Variants in CACNA1C observed in about 807,000 individuals in gnomAD.
CACNA1C encodes voltage-dependent L-type calcium channel subunit alpha-1C.
CACNA1C carries 30 observed loss-of-function variants against 229.0 expected under a neutral mutation model. The ratio of observed to expected loss-of-function variants is 0.13; its 90% CI spans 0.10 to 0.18. CACNA1C has a LOEUF of 0.18. CACNA1C is among the 10% of genes least tolerant of loss of function. CACNA1C has a pLI of 1.00. For synonymous variants in CACNA1C, 1,114 were observed against 1,132.5 expected, an observed-to-expected ratio of 0.98 and a Z score of 0.33; for missense variants, 1,658 against 2,845.0, an observed-to-expected ratio of 0.58 and a Z score of 9.49.
chr12:2,345,070 G>T (rs186287499), intron 3 of CACNA1C, among the ~76,000 whole-genome samples: 1 of 149,464 alleles, frequency 6.7e-6, no homozygotes, highest in East Asian at 2.0e-4. Flanking sequence ...TGAGCCCCAT[G>T]TCTGTGGGTT....
chr12:2,312,312 G>T (rs2095480661), intron 3 of CACNA1C, among the ~76,000 whole-genome samples: 3 of 152,182 alleles, frequency 2.0e-5, no homozygotes, highest in African/African-American at 7.2e-5. Flanking sequence ...TCAGTATCCT[G>T]CAGCGTGGCA....
At chr12:2,148,666 G>A (rs968502035) in intron 3 of CACNA1C, among the ~76,000 whole-genome samples, 1 of 151,168 alleles carries the variant, frequency 6.6e-6, no homozygotes, top group African/African-American at 2.4e-5. Flanking sequence ...TCCCACCTCA[G>A]CCTCCTGAGT....
intron 3 of CACNA1C, among the ~76,000 whole-genome samples, chr12:2,312,276 C>T (rs1397758869): frequency 6.6e-6 from 1 of 152,114 alleles, no homozygotes; most frequent in South Asian, 2.1e-4. Flanking sequence ...ACCTACTTAC[C>T]CTCTCTCCCC....
At position 2,633,493 on chromosome 12, in the gene CACNA1C, G is replaced by GC. The variant is rs2091465870; in HGVS notation, c.3829-802dup. The GC allele has an allele frequency of 2.9e-6, 2 of 681,248 alleles. No individual in the cohort carries two copies. The allele number at this position is 681,248 out of a possible 1,614,324, so 42.2% of individuals were successfully genotyped here. ...CCTTGCTGGTGCTCCTGGGCTCCTG[G>GC]CCATGGTGAGGGCGTCCGGAACTCC... On this transcript the variant is annotated intron_variant, in intron 29 of 46. Transcript: ENST00000399655. The surrounding 1 kb of genome is among the most constrained non-coding windows in gnomAD (Gnocchi z 5.8).
At chr12:2,264,454 G>A (rs778393892) in intron 3 of CACNA1C, among the ~76,000 whole-genome samples, 9 of 152,232 alleles carry the variant, frequency 5.9e-5, no homozygotes, top group Non-Finnish European at 1.3e-4. Flanking sequence ...ACAGATGGGG[G>A]AACTGAGGTC....
chr12:2,264,097 C>A (rs553100981), intron 3 of CACNA1C, among the ~76,000 whole-genome samples: 75 of 152,334 alleles, frequency 4.9e-4, no homozygotes, highest in African/African-American at 1.7e-3. Context: ...CCCTGTTGCA[C>A]TCACGGGTGG....
At chr12:2,584,053 C>T (rs533155317) in intron 15 of CACNA1C, among the ~76,000 whole-genome samples, 7 of 152,324 alleles carry the variant, frequency 4.6e-5, no homozygotes, top group African/African-American at 9.6e-5. Context: ...CAAGGGTCTT[C>T]GTGGGTGCAG....
chr12:2,497,180 C>G lies in CACNA1C; in HGVS notation c.1113+3794C>G, dbSNP rs149919657. Among the ~76,000 whole-genome samples, 317 of 152,334 alleles carry G rather than the reference C, an allele frequency of 2.1e-3. 1 individual carries two copies. The highest frequency in any genetic ancestry group is 6.4e-3 in the African/African-American group (268 of 41,578). On this transcript the variant is annotated intron_variant, in intron 7 of 46. Transcript: ENST00000399655. ...GCTGGGTCAGCCTCCTTTGCAGGAC[C>G]TTGTCGATAGGATTCATAGGCATGC...
chr12:2,150,220 C>G (rs1038895981), intron 3 of CACNA1C, among the ~76,000 whole-genome samples: 1 of 152,178 alleles, frequency 6.6e-6, no homozygotes, highest in Non-Finnish European at 1.5e-5. Context: ...CCGTGTCTGG[C>G]TGCACTGTAA....
chr12:2,394,564 G>C (rs2098540012), intron 3 of CACNA1C, among the ~76,000 whole-genome samples: 1 of 152,180 alleles, frequency 6.6e-6, no homozygotes, highest in Non-Finnish European at 1.5e-5. Context: ...GTTTGTGAAT[G>C]TAAAGTGTTT....
chr12:2,653,849 G>A lies in CACNA1C; in HGVS notation c.4089G>A (p.Val1363=). The change falls in exon 33 of 47, where the codon GTG becomes GTA. Residue 1363 remains valine, a synonymous_variant. Coordinates refer to ENST00000399655, the MANE Select transcript of CACNA1C (RefSeq NM_000719.7). This position sits in a 1 kb window ranked among gnomAD's most constrained non-coding sequence, Gnocchi z 4.7. ...CTTCCTTCCAGGCCCTGCCCTATGT[G>A]GCCCTCCTGATCGTGATGCTGTTCT... ...FIKSFQALPY[V]ALLIVMLFFI... 2 of 1,613,882 alleles carry A rather than the reference G, an allele frequency of 1.2e-6. No homozygotes were observed. The highest frequency in any genetic ancestry group is 1.7e-6 in the Non-Finnish European group (2 of 1,179,844).
intron 3 of CACNA1C, among the ~76,000 whole-genome samples, chr12:2,317,946 A>T (rs1162702324): frequency 6.6e-6 from 1 of 152,216 alleles, no homozygotes. Flanking sequence ...AACTGGCATC[A>T]CATTTTAATT....
intron 3 of CACNA1C, among the ~76,000 whole-genome samples, chr12:2,302,554 G>T (rs1186233736): frequency 1.3e-5 from 2 of 152,084 alleles, no homozygotes; most frequent in Non-Finnish European, 2.9e-5. Context: ...GCTGGGAGGG[G>T]AGTGTCCTCC....
At chr12:2,645,796 G>A (rs1369394630) in intron 30 of CACNA1C, among the ~76,000 whole-genome samples, 3 of 152,226 alleles carry the variant, frequency 2.0e-5, no homozygotes, top group Non-Finnish European at 2.9e-5. Context: ...TGTGGAAACA[G>A]GTGTGAGCGG....
chr12:2,365,300 G>A (rs73035442), intron 3 of CACNA1C, among the ~76,000 whole-genome samples: 2 of 152,244 alleles, frequency 1.3e-5, no homozygotes, highest in African/African-American at 2.4e-5. Context: ...AAAAGAAATC[G>A]GTAATTTTAG....
chr12:1,987,952 T>A (rs1007240020), intron 1 of CACNA1C, among the ~76,000 whole-genome samples: 1 of 152,226 alleles, frequency 6.6e-6, no homozygotes, highest in Non-Finnish European at 1.5e-5. Flanking sequence ...AATGTCCCAA[T>A]AGATTCAAAC....
chr12:2,232,241 TTTTTTTTTTTTG>T lies in CACNA1C; in HGVS notation c.477+111815_477+111826del, dbSNP rs1333964386. On this transcript the variant is annotated intron_variant, in intron 3 of 46. Transcript: ENST00000399655. ...AGTCTTTCCTTGTTTTTTTTTTTTT[TTTTTTTTTTTTG>T]TTTGTTTGTTTGTTTGTTTTTAATG... is the stretch of plus-strand genomic sequence containing the variant. Among the ~76,000 whole-genome samples the T allele has an allele frequency of 4.3e-4, 63 of 147,996 alleles. 1 individual carries two copies. The highest frequency in any genetic ancestry group is 7.0e-3 in the Middle Eastern group (2 of 286).
upstream of CACNA1C, among the ~76,000 whole-genome samples, chr12:2,052,516 G>A (rs1272690697): frequency 6.6e-6 from 1 of 151,482 alleles, no homozygotes; most frequent in African/African-American, 2.4e-5. Flanking sequence ...CAGCAGGGAC[G>A]CGCCGCCGCA....
At chr12:2,064,408 G>A (rs2058611546) in intron 1 of CACNA1C, among the ~76,000 whole-genome samples, 1 of 152,168 alleles carries the variant, frequency 6.6e-6, no homozygotes, top group Non-Finnish European at 1.5e-5. Context: ...TGGCTGGGCC[G>A]AGTCCTCCCT....
Sources: allele counts gnomAD v4.1 joint callset (sites outside exome capture counted in the v4.1 genomes callset), GRCh38; gene constraint gnomAD v4.1.1; non-coding constraint Gnocchi (gnomAD v3.1); transcripts MANE v1.5; gene names NCBI Gene and HGNC (gene_info 2026-07-23, HGNC 2026-07-21).